TAFA2: variants seen among roughly 807,000 people sequenced by gnomAD.
TAFA2 encodes the protein TAFA chemokine like family member 2.
TAFA2 carries 7 observed loss-of-function variants against 18.8 expected under a neutral mutation model. That is an observed-to-expected ratio of 0.37 (90% CI 0.21 to 0.70). TAFA2 has a LOEUF of 0.70. TAFA2 is among the 30% of genes least tolerant of loss of function. TAFA2 has a pLI of 0.53. For missense variants in TAFA2, 122 were observed against 158.1 expected (o/e 0.77, Z 1.23); for synonymous variants, 60 against 54.2 (o/e 1.11, Z -0.47).
Position 62,067,886 on chromosome 12 carries a change from A to G in TAFA2, c.-2+123373T>C, listed in dbSNP as rs142707486. Among the ~76,000 whole-genome samples the G allele has an allele frequency of 3.8e-3, 575 of 152,134 alleles. 3 individuals carry two copies. The highest frequency in any genetic ancestry group is 0.013 in the African/African-American group (544 of 41,550). On this transcript the variant is annotated intron_variant, in intron 1 of 4. Transcript: ENST00000416284. ...ACTTCACAATTAGATTTGCATTTGT[A>G]TATTATTTGTTTACTGCATTTATTT...
In TAFA2 at chr12:61,749,694, A is replaced by C. The variant is rs191049065; in HGVS notation, c.384+3928T>G. Among the ~76,000 whole-genome samples the C allele has an allele frequency of 6.8e-4, 104 of 152,248 alleles. 1 individual carries two copies. The highest frequency in any genetic ancestry group is 1.3e-3 in the Non-Finnish European group (87 of 67,998). On this transcript the variant is annotated intron_variant, in intron 4 of 4. Coordinates refer to ENST00000416284, the MANE Select transcript of TAFA2 (RefSeq NM_178539.5). ...ATAAATGCATAAAGTGAAAGATTTC[A>C]ATTAGTTAAAAATTAGCCAGAAAAT...
At chr12:61,914,827 TA>T (rs1205380361) in intron 1 of TAFA2, among the ~76,000 whole-genome samples, 2 of 151,920 alleles carry the variant, frequency 1.3e-5, no homozygotes, top group African/African-American at 2.4e-5. Context: ...AAGATAGGCT[TA>T]AAAAAAACCT....
chr12:62,213,951 A>C (rs2062723861), intron 1 of TAFA2, among the ~76,000 whole-genome samples: 1 of 152,176 alleles, frequency 6.6e-6, no homozygotes, highest in South Asian at 2.1e-4. Context: ...AAAACTATTA[A>C]ACACAGAGAT....
At chr12:62,127,113 T>C (rs905776945) in intron 1 of TAFA2, among the ~76,000 whole-genome samples, 2 of 152,226 alleles carry the variant, frequency 1.3e-5, no homozygotes, top group African/African-American at 2.4e-5. Flanking sequence ...GCTAGTTTCA[T>C]CATGGGTTTA....
At chr12:61,730,681 G>A (rs1401579895) in intron 4 of TAFA2, among the ~76,000 whole-genome samples, 1 of 152,034 alleles carries the variant, frequency 6.6e-6, no homozygotes, top group East Asian at 1.9e-4. Flanking sequence ...CAGGTCACCA[G>A]GTAAGTGGGG....
intron 4 of TAFA2, among the ~76,000 whole-genome samples, chr12:61,719,197 TTAAG>T (rs1339532331): frequency 4.9e-4 from 74 of 152,254 alleles, no homozygotes; most frequent in African/African-American, 1.6e-3. Context: ...AGTTTATAGT[TTAAG>T]TAATAGTAGC....
At chr12:61,819,025 C>A (rs1872210640) in intron 2 of TAFA2, among the ~76,000 whole-genome samples, 1 of 151,992 alleles carries the variant, frequency 6.6e-6, no homozygotes, top group Admixed American at 6.6e-5. Context: ...TAACCTAGTC[C>A]CCATCCAGCC....
At chr12:61,891,001 A>G (rs1250151962) in intron 1 of TAFA2, among the ~76,000 whole-genome samples, 1 of 152,200 alleles carries the variant, frequency 6.6e-6, no homozygotes, top group Non-Finnish European at 1.5e-5. Flanking sequence ...TTAGAAAATC[A>G]CCAATTCGAA....
intron 4 of TAFA2, among the ~76,000 whole-genome samples, chr12:61,738,364 C>T (rs1868344747): frequency 6.6e-6 from 1 of 150,568 alleles, no homozygotes; most frequent in Non-Finnish European, 1.5e-5. Context: ...ATACTCCTCC[C>T]TCTCCAGTTA....
intron 1 of TAFA2, among the ~76,000 whole-genome samples, chr12:62,241,760 C>T (rs1286275413): frequency 2.6e-5 from 4 of 152,148 alleles, no homozygotes; most frequent in Non-Finnish European, 5.9e-5. Flanking sequence ...TAATACTGAC[C>T]TGCCACTGAA....
At chr12:62,109,955 T>C (rs1234512650) in intron 1 of TAFA2, among the ~76,000 whole-genome samples, 1 of 152,206 alleles carries the variant, frequency 6.6e-6, no homozygotes, top group African/African-American at 2.4e-5. Context: ...CTCTTCCTAT[T>C]TGAATACCCT....
chr12:61,985,053 T>C (rs1174081071), intron 1 of TAFA2, among the ~76,000 whole-genome samples: 2 of 152,214 alleles, frequency 1.3e-5, no homozygotes, highest in African/African-American at 4.8e-5. Context: ...AAAAGTTGCT[T>C]TGAATGTGAA....
chr12:61,878,092 G>A (rs1333211933), intron 1 of TAFA2: 1 of 455,462 alleles, frequency 2.2e-6, no homozygotes, highest in Non-Finnish European at 4.4e-6. Flanking sequence ...GAGATACCTA[G>A]AATAGTCAAA....
intron 4 of TAFA2, among the ~76,000 whole-genome samples, chr12:61,717,555 G>A (rs185571092): frequency 3.9e-5 from 6 of 152,216 alleles, no homozygotes; most frequent in African/African-American, 1.4e-4. Flanking sequence ...ACTTCAGCTA[G>A]GATCAACATT....
chr12:61,756,162 A>G (rs1209900832), intron 2 of TAFA2, among the ~76,000 whole-genome samples: 4 of 152,074 alleles, frequency 2.6e-5, no homozygotes, highest in African/African-American at 9.7e-5. Flanking sequence ...TTTTTCTAAG[A>G]CAGAGCAAAT....
chr12:61,887,832 C>T (rs545143132), intron 1 of TAFA2, among the ~76,000 whole-genome samples: 2,059 of 151,604 alleles, frequency 0.014, 22 homozygotes, highest in Non-Finnish European at 0.02. Context: ...TCCAGTCTAT[C>T]GTTGTTGGAC....
intron 1 of TAFA2, chr12:61,879,243 G>T (rs1294533774): frequency 2.4e-5 from 9 of 379,408 alleles, no homozygotes; most frequent in Non-Finnish European, 4.3e-5. Context: ...TGATAATGAA[G>T]AAGCAGCAGC....
rs370494031 is a variant in TAFA2, at chr12:62,239,992, CAAG to C, written c.-130+18768_-130+18770del. Among the ~76,000 whole-genome samples, 1,003 of 151,820 alleles carry C rather than the reference CAAG, an allele frequency of 6.6e-3. 13 individuals are homozygous for C. Among genetic ancestry groups the C allele is most frequent in the African/African-American group, 0.023 (954 of 41,348 alleles). ...TCAACATTACTAAAGATCTACTCTC[CAAG>C]AAGGACAGAGAAAGAGTATAAAAAA... On this transcript the variant is annotated intron_variant, in intron 1 of 5. Coordinates refer to the TAFA2 transcript ENST00000551619.
chr12:61,856,307 T>C (rs1057210250), intron 2 of TAFA2, among the ~76,000 whole-genome samples: 2 of 151,966 alleles, frequency 1.3e-5, no homozygotes, highest in African/African-American at 4.8e-5. Flanking sequence ...AGAGCTCTTA[T>C]AAAGCCATAA....
Sources: allele counts gnomAD v4.1 joint callset (sites outside exome capture counted in the v4.1 genomes callset), GRCh38; gene constraint gnomAD v4.1.1; transcripts MANE v1.5; gene names NCBI Gene and HGNC (gene_info 2026-07-23, HGNC 2026-07-21).